The following ASB3 variants were observed in gnomAD, a reference collection of about 807,000 sequenced individuals.
The protein encoded by ASB3 is ankyrin repeat and SOCS box containing 3.
In ASB3, 41 loss-of-function variants were observed where a neutral mutation model predicts 54.5. The observed-to-expected ratio is 0.75, with a 90% confidence interval of 0.59 to 0.98. The LOEUF is 0.98. ASB3 is among the 50% of genes least tolerant of loss of function. ASB3 has a pLI of 0.00. For synonymous variants in ASB3, 266 were observed against 221.2 expected (o/e 1.20, Z -1.80); for missense variants, 733 against 620.0 (o/e 1.18, Z -1.94).
intron 2 of ASB3, among the ~76,000 whole-genome samples, chr2:53,754,475 A>G (rs1330264016): frequency 6.6e-6 from 1 of 152,214 alleles, no homozygotes; most frequent in African/African-American, 2.4e-5. Flanking sequence ...CAGGTGAGAA[A>G]TACTGAAGTC....
intron 5 of ASB3, among the ~76,000 whole-genome samples, chr2:53,724,170 G>C (rs967033098): frequency 1.3e-5 from 2 of 152,124 alleles, no homozygotes; most frequent in African/African-American, 4.8e-5. Flanking sequence ...CCACAGAATA[G>C]GAGAAAATAT....
intron 1 of ASB3, among the ~76,000 whole-genome samples, chr2:53,785,890 C>G (rs1030472329): frequency 6.6e-6 from 1 of 152,140 alleles, no homozygotes; most frequent in South Asian, 2.1e-4. Flanking sequence ...TCACATTAAG[C>G]ATTAATAAGA....
Position 53,742,676 on chromosome 2 carries a change from T to C in ASB3, c.355+8107A>G, listed in dbSNP as rs564650863. On this transcript the variant is annotated intron_variant, in intron 3 of 9. Coordinates refer to ENST00000263634, the MANE Select transcript of ASB3 (RefSeq NM_016115.5). The stretch of plus-strand genomic sequence containing the variant: ...GCAAAAACAATCATAAAAAATCCAA[T>C]TGAAATTGAAAGAAACACTAGACAG... Among the ~76,000 whole-genome samples, 8 of 149,982 alleles carry C rather than the reference T, an allele frequency of 5.3e-5. 1 individual carries two copies. In the South Asian group the frequency reaches 8.4e-4, roughly 16 times the overall value.
rs187945702 is a variant in ASB3 at position 53,759,025 on chromosome 2, T to C, written c.196+6352A>G. Among the ~76,000 whole-genome samples the C allele has an allele frequency of 9.1e-4, 138 of 152,316 alleles. 1 individual carries two copies. The highest frequency in any genetic ancestry group is 2.2e-3 in the Admixed American group (33 of 15,294). The stretch of plus-strand genomic sequence containing the variant: ...TGCTTTTATCGGACATAGACAGATA[T>C]AATGTTGCTGCTAGATCAGACGCTA... On this transcript the variant is annotated intron_variant, in intron 2 of 9. Coordinates refer to ENST00000263634, the MANE Select transcript of ASB3 (RefSeq NM_016115.5).
rs1673697142 is a variant in ASB3 at position 53,768,976 on chromosome 2, A to ACAG, written c.-13-3392_-13-3391insCTG. Among the ~76,000 whole-genome samples the ACAG allele has an allele frequency of 7.2e-5, 11 of 152,348 alleles. No individual in the cohort carries two copies. The South Asian group carries it at 2.3e-3, about 32-fold the overall frequency. ...GAGAGACATGGGATTAAAATCACGA[A>ACAG]AAGAACCTGAATTAGAAACCATTCT... On this transcript the variant is annotated intron_variant, in intron 1 of 9. Coordinates refer to ENST00000263634, the MANE Select transcript of ASB3 (RefSeq NM_016115.5).
At position 53,679,169 on chromosome 2, in the gene ASB3, C is replaced by T. The variant is rs985445908; in HGVS notation, c.1370-8479G>A. 1.3e-5 allele frequency among the ~76,000 whole-genome samples: 2 copies of T among 152,146 alleles called. 1 individual carries two copies. Among genetic ancestry groups the T allele is most frequent in the African/African-American group, 4.8e-5 (2 of 41,412 alleles). On this transcript the variant is annotated intron_variant, in intron 9 of 9. Transcript: ENST00000263634. ...TGACAATACCCAGGATCAATCTAAC[C>T]ATTTTGCTTCTGCACCCCAATACAA...
At chr2:53,734,024 T>C (rs967147583) in intron 3 of ASB3, among the ~76,000 whole-genome samples, 60 of 152,240 alleles carry the variant, frequency 3.9e-4, no homozygotes, top group Admixed American at 2.6e-4. Flanking sequence ...GGTCACGCTA[T>C]TGTTTGTGGT....
At chr2:53,777,917 C>T (rs545730446) in intron 1 of ASB3, among the ~76,000 whole-genome samples, 2 of 152,152 alleles carry the variant, frequency 1.3e-5, no homozygotes, top group South Asian at 2.1e-4. Flanking sequence ...GAGACCAAGG[C>T]GGGTGGATCG....
In ASB3 at chr2:53,765,589, CA is replaced by C. The variant is rs1445608180; in HGVS notation, c.-13-5del. On this transcript the variant is annotated splice_polypyrimidine_tract_variant and splice_region_variant and intron_variant, in intron 1 of 9. Transcript: ENST00000263634. ...AAAATCCATTTGTTTGACCAGTCTA[CA>C]AAACAAGGTAGAAGGATAATACTAT... The C allele has an allele frequency of 1.2e-6, 2 of 1,614,068 alleles. No homozygotes were observed. Among genetic ancestry groups the C allele is most frequent in the African/African-American group, 1.3e-5 (1 of 75,014 alleles).
At position 53,770,414 on chromosome 2, in the gene ASB3, T is replaced by A. The variant is rs575583605; in HGVS notation, c.-13-4829A>T. On this transcript the variant is annotated intron_variant, in intron 1 of 9. Coordinates refer to ENST00000263634, the MANE Select transcript of ASB3 (RefSeq NM_016115.5). ...TTGGGCATACAAGTAGGTAAAATTG[T>A]GGCTTATGACTCAGCATTCCCATGA... 2.6e-5 allele frequency among the ~76,000 whole-genome samples: 4 copies of A among 151,246 alleles called. No individual in the cohort carries two copies. The South Asian group carries it at 8.4e-4, about 32-fold the overall frequency.
At chr2:53,771,882 A>AT (rs746728169) in intron 1 of ASB3, 300 of 1,471,784 alleles carry the variant, frequency 2.0e-4, no homozygotes, top group Non-Finnish European at 2.4e-4. Flanking sequence ...ATTCAGAAAA[A>AT]TTTTTTTTTA....
intron 3 of ASB3, among the ~76,000 whole-genome samples, chr2:53,745,504 A>G (rs1297679731): frequency 1.3e-5 from 2 of 152,184 alleles, no homozygotes; most frequent in African/African-American, 4.8e-5. Flanking sequence ...GTCCCATTAC[A>G]AACAGTGGAG....
intron 9 of ASB3, among the ~76,000 whole-genome samples, chr2:53,675,134 G>T (rs184235967): frequency 6.6e-6 from 1 of 152,212 alleles, no homozygotes; most frequent in African/African-American, 2.4e-5. Context: ...GCATCAAAAG[G>T]CTGTTGATGA....
chr2:53,773,184 T>C (rs2104164261), intron 1 of ASB3, among the ~76,000 whole-genome samples: 2 of 152,278 alleles, frequency 1.3e-5, no homozygotes, highest in South Asian at 4.1e-4. Flanking sequence ...ATTAAACAGT[T>C]AATAAACAAA....
At chr2:53,743,927 C>T (rs1447341957) in intron 3 of ASB3, among the ~76,000 whole-genome samples, 7 of 151,690 alleles carry the variant, frequency 4.6e-5, no homozygotes, top group Non-Finnish European at 8.8e-5. Flanking sequence ...CCTGTAAGCT[C>T]AGCTACTCGG....
At chr2:53,720,367 G>A (rs973541393) in intron 5 of ASB3, among the ~76,000 whole-genome samples, 2 of 152,090 alleles carry the variant, frequency 1.3e-5, no homozygotes, top group African/African-American at 4.8e-5. Context: ...CCTTAATGTT[G>A]GCAAAATAAA....
intron 7 of ASB3, among the ~76,000 whole-genome samples, chr2:53,704,359 CAAAAAAAAA>C: frequency 1.8e-5 from 2 of 110,572 alleles, no homozygotes; most frequent in South Asian, 5.5e-4. Context: ...GAGACTGTCT[CAAAAAAAAA>C]AAAAAAAAGG....
chr2:53,722,843 A>G (rs1415108309), intron 5 of ASB3, among the ~76,000 whole-genome samples: 1 of 152,202 alleles, frequency 6.6e-6, no homozygotes, highest in East Asian at 1.9e-4. Context: ...TTGCCAGAAC[A>G]ATCAGGCAAG....
chr2:53,726,539 G>T (rs1303868613), intron 5 of ASB3, among the ~76,000 whole-genome samples: 1 of 151,212 alleles, frequency 6.6e-6, no homozygotes, highest in South Asian at 2.1e-4. Context: ...GGGATTACAG[G>T]CATGAGGCAC....
Sources: gnomAD v4.1 joint callset for allele counts (sites outside exome capture counted in the v4.1 genomes callset) on GRCh38, gnomAD v4.1.1 for gene constraint, MANE v1.5 for transcripts, NCBI Gene and HGNC (gene_info 2026-07-23, HGNC 2026-07-21) for gene names.